The following XKR4 variants were observed in gnomAD, a reference collection of about 807,000 sequenced individuals.
The protein encoded by XKR4 is XK related 4.
A neutral mutation model predicts 53.9 loss-of-function variants in XKR4; 12 were observed. That is an observed-to-expected ratio of 0.22 (90% CI 0.14 to 0.36). The LOEUF (loss-of-function observed/expected upper bound fraction) is 0.36, where lower values mean the gene tolerates loss of function less well. Among genes scored for constraint, XKR4 ranks in the 10% least tolerant of loss-of-function variants. XKR4 has a pLI of 1.00. For missense variants in XKR4, 799 were observed against 859.5 expected, an observed-to-expected ratio of 0.93 and a Z score of 0.88; for synonymous variants, 354 against 362.4, an observed-to-expected ratio of 0.98 and a Z score of 0.26.
chr8:55,433,352 C>A (rs768819452), intron 2 of XKR4, among the ~76,000 whole-genome samples: 1 of 152,192 alleles, frequency 6.6e-6, no homozygotes, highest in Non-Finnish European at 1.5e-5. Flanking sequence ...GATGACATTA[C>A]ACATAGGATT....
rs1399318506 is a variant in XKR4 at position 55,536,603 on chromosome 8, G to A, written c.*12376G>A. 2.0e-5 allele frequency: 3 copies of A among 151,468 alleles called. No individual in the cohort carries two copies. The highest frequency in any genetic ancestry group is 4.4e-5 in the Non-Finnish European group (3 of 67,784). 9.4% of individuals were successfully genotyped at this position (151,468 alleles called of 1,614,324 possible). A position where few individuals can be genotyped will look rare whatever the true frequency, so the allele number is the denominator to read the frequency against. ...TGTTTCTGGATAGACAGACTGCTCC[G>A]GTGTTGTAAGTAATGGAATTGAACT... On this transcript the variant is annotated 3_prime_UTR_variant, in exon 3 of 3. Transcript: ENST00000327381.
chr8:55,395,388 G>A (rs964207597), intron 2 of XKR4, among the ~76,000 whole-genome samples: 1 of 151,810 alleles, frequency 6.6e-6, no homozygotes, highest in Non-Finnish European at 1.5e-5. Flanking sequence ...GTCCAGGAAA[G>A]GCATGACCAT....
At chr8:55,107,939 A>G (rs1381951513) in intron 1 of XKR4, among the ~76,000 whole-genome samples, 1 of 152,206 alleles carries the variant, frequency 6.6e-6, no homozygotes, top group Non-Finnish European at 1.5e-5. Context: ...GCTTGTTACT[A>G]ATTATTCCAA....
chr8:55,413,428 A>C (rs370715553), intron 2 of XKR4, among the ~76,000 whole-genome samples: 1 of 152,074 alleles, frequency 6.6e-6, no homozygotes, highest in Non-Finnish European at 1.5e-5. Context: ...GTTTCACCAG[A>C]TTGGCCAGGC....
chr8:55,465,430 C>T (rs1358853767), intron 2 of XKR4, among the ~76,000 whole-genome samples: 1 of 151,894 alleles, frequency 6.6e-6, no homozygotes, highest in Non-Finnish European at 1.5e-5. Context: ...ACTGGCTAGC[C>T]ATATGTAGAA....
intron 1 of XKR4, among the ~76,000 whole-genome samples, chr8:55,269,189 A>G (rs1039888190): frequency 3.9e-5 from 6 of 151,984 alleles, no homozygotes; most frequent in Non-Finnish European, 7.4e-5. Flanking sequence ...AATGTAATAC[A>G]TTTTTTTAAA....
At chr8:55,238,678 T>A (rs939553568) in intron 1 of XKR4, among the ~76,000 whole-genome samples, 2 of 152,092 alleles carry the variant, frequency 1.3e-5, no homozygotes, top group Admixed American at 6.6e-5. Flanking sequence ...AGCCACCAAC[T>A]GCCCAGCGAA....
At chr8:55,148,288 C>T (rs1295485696) in intron 1 of XKR4, among the ~76,000 whole-genome samples, 1 of 152,006 alleles carries the variant, frequency 6.6e-6, no homozygotes, top group African/African-American at 2.4e-5. Flanking sequence ...ACCTGTAGTC[C>T]CAGCTACTTG....
At position 55,495,143 on chromosome 8, in the gene XKR4, C is replaced by T. The variant is rs553437883; in HGVS notation, c.1007-28138C>T. On this transcript the variant is annotated intron_variant, in intron 2 of 2. Coordinates refer to ENST00000327381, the MANE Select transcript of XKR4 (RefSeq NM_052898.2). ...ATGTCAGTGCTGCCTCGAGCATGTGCACACCCAGCCAGGCTTACCAGTGCC... is the reference window on the plus strand; with the variant it reads ...ATGTCAGTGCTGCCTCGAGCATGTGTACACCCAGCCAGGCTTACCAGTGCC... Among the ~76,000 whole-genome samples the T allele has an allele frequency of 3.9e-5, 6 of 152,330 alleles. No homozygotes were observed. The South Asian group carries it at 1.0e-3, about 26-fold the overall frequency.
intron 2 of XKR4, among the ~76,000 whole-genome samples, chr8:55,503,754 A>G (rs191416257): frequency 6.6e-6 from 1 of 152,280 alleles, no homozygotes; most frequent in African/African-American, 2.4e-5. Context: ...AGAAGTTGCA[A>G]AAGTGGGCAT....
intron 1 of XKR4, among the ~76,000 whole-genome samples, chr8:55,170,378 C>T (rs1412654132): frequency 1.3e-5 from 2 of 152,036 alleles, no homozygotes; most frequent in African/African-American, 4.8e-5. Flanking sequence ...AAGAGGGAGG[C>T]AGGAATGGGG....
chr8:55,318,597 A>C (rs1302082808), intron 1 of XKR4, among the ~76,000 whole-genome samples: 1 of 152,218 alleles, frequency 6.6e-6, no homozygotes, highest in Non-Finnish European at 1.5e-5. Flanking sequence ...TTGTTAAATG[A>C]GATTAATGCT....
At chr8:55,207,836 T>A (rs1387989969) in intron 1 of XKR4, among the ~76,000 whole-genome samples, 1 of 152,086 alleles carries the variant, frequency 6.6e-6, no homozygotes, top group Non-Finnish European at 1.5e-5. Context: ...CCAGAGAGGT[T>A]GATTTTAGGG....
chr8:55,206,539 G>A (rs1817654114), intron 1 of XKR4, among the ~76,000 whole-genome samples: 1 of 151,774 alleles, frequency 6.6e-6, no homozygotes, highest in South Asian at 2.1e-4. Flanking sequence ...TTTTCCTTTT[G>A]CTCATCTACA....
intron 2 of XKR4, among the ~76,000 whole-genome samples, chr8:55,363,128 G>T (rs1319348075): frequency 1.3e-5 from 2 of 152,168 alleles, no homozygotes; most frequent in Non-Finnish European, 2.9e-5. Flanking sequence ...GAAGGCTTTA[G>T]TTCTTTGTTT....
At chr8:55,313,407 G>A (rs1819414164) in intron 1 of XKR4, among the ~76,000 whole-genome samples, 1 of 152,238 alleles carries the variant, frequency 6.6e-6, no homozygotes, top group Admixed American at 6.5e-5. Context: ...AAAGATCAAA[G>A]TGGTGCTAGG....
At chr8:55,481,989 G>T (rs554788986) in intron 2 of XKR4, among the ~76,000 whole-genome samples, 2 of 152,180 alleles carry the variant, frequency 1.3e-5, no homozygotes, top group Non-Finnish European at 2.9e-5. Context: ...TCAGTGTGGC[G>T]ATTCCTCAGG....
chr8:55,392,326 C>CT (rs1804455257), intron 2 of XKR4, among the ~76,000 whole-genome samples: 2 of 151,956 alleles, frequency 1.3e-5, no homozygotes, highest in Non-Finnish European at 1.5e-5. Flanking sequence ...TCTTACTGTC[C>CT]CAGAAAGCAA....
chr8:55,138,923 G>C (rs927335114), intron 1 of XKR4, among the ~76,000 whole-genome samples: 1 of 152,236 alleles, frequency 6.6e-6, no homozygotes, highest in Non-Finnish European at 1.5e-5. Flanking sequence ...TCCTAGAAGA[G>C]AGTGGAGGGA....
Sources: allele counts gnomAD v4.1 joint callset (sites outside exome capture counted in the v4.1 genomes callset), GRCh38; gene constraint gnomAD v4.1.1; transcripts MANE v1.5; gene names NCBI Gene and HGNC (gene_info 2026-07-23, HGNC 2026-07-21).